Variants in GPATCH2 observed in about 807,000 individuals in gnomAD.
The protein encoded by GPATCH2 is G-patch domain containing 2.
A neutral mutation model predicts 58.0 loss-of-function variants in GPATCH2; 51 were observed. The ratio of observed to expected loss-of-function variants is 0.88; its 90% CI spans 0.70 to 1.11. The LOEUF (loss-of-function observed/expected upper bound fraction) is 1.11, where lower values mean the gene tolerates loss of function less well. Ranked by LOEUF, GPATCH2 falls within the 50% of genes most tolerant of loss-of-function variation. The probability of loss-of-function intolerance (pLI) is 0.00; values close to 1 mark genes in which losing one functional copy is unlikely to be tolerated. For missense variants in GPATCH2, 625 were observed against 652.2 expected (o/e 0.96, Z 0.45); for synonymous variants, 222 against 218.5 (o/e 1.02, Z -0.14).
intron 5 of GPATCH2, among the ~76,000 whole-genome samples, chr1:217,527,239 A>C (rs1663953265): frequency 1.3e-5 from 2 of 152,170 alleles, no homozygotes; most frequent in South Asian, 4.1e-4. Context: ...CTGTGGAAAA[A>C]TTGTCTTCCA....
chr1:217,463,457 A>C lies in GPATCH2; in HGVS notation c.1278-14120T>G, dbSNP rs944275499. Among the ~76,000 whole-genome samples, 4 of 152,180 alleles carry C rather than the reference A, an allele frequency of 2.6e-5. No individual in the cohort carries two copies. In the East Asian group the frequency reaches 7.7e-4, roughly 29 times the overall value. On this transcript the variant is annotated intron_variant, in intron 8 of 9. Transcript: ENST00000366935. Reference sequence around the variant, plus strand: ...AAAAATAAGAAAGGCTAGACCAGGAAGGCCTTGCTAGCCATGTTTAGGACT... The same window carrying C: ...AAAAATAAGAAAGGCTAGACCAGGACGGCCTTGCTAGCCATGTTTAGGACT...
intron 5 of GPATCH2, among the ~76,000 whole-genome samples, chr1:217,584,344 A>AAAAAAAAAAAATATATAT (rs1463910405): frequency 8.8e-5 from 9 of 101,874 alleles, no homozygotes; most frequent in Admixed American, 1.4e-4. Flanking sequence ...AAAAAAAAAA[A>AAAAAAAAAAAATATATAT]ATATATATAT....
intron 8 of GPATCH2, among the ~76,000 whole-genome samples, chr1:217,456,592 C>A (rs12073489): frequency 0.02 from 2,978 of 152,180 alleles, 96 homozygotes; most frequent in African/African-American, 0.069. Context: ...AAGGTGGGAG[C>A]CTTCAGAAGA....
chr1:217,554,593 C>T (rs1456468051), intron 5 of GPATCH2, among the ~76,000 whole-genome samples: 1 of 152,042 alleles, frequency 6.6e-6, no homozygotes, highest in Non-Finnish European at 1.5e-5. Context: ...ATATATATAC[C>T]CATTGATAAG....
At chr1:217,485,921 G>A (rs1355444596) in intron 8 of GPATCH2, among the ~76,000 whole-genome samples, 1 of 152,192 alleles carries the variant, frequency 6.6e-6, no homozygotes, top group African/African-American at 2.4e-5. Context: ...GTACCAGACT[G>A]TCTTAATTAA....
At chr1:217,466,949 G>C (rs1422389592) in intron 8 of GPATCH2, among the ~76,000 whole-genome samples, 1 of 152,212 alleles carries the variant, frequency 6.6e-6, no homozygotes, top group African/African-American at 2.4e-5. Flanking sequence ...GAGGCAGGCG[G>C]ATTGCCTGAG....
At chr1:217,523,024 TA>T (rs989977591) in intron 5 of GPATCH2, among the ~76,000 whole-genome samples, 4 of 151,796 alleles carry the variant, frequency 2.6e-5, no homozygotes, top group South Asian at 2.1e-4. Context: ...CCAAAGCAAT[TA>T]AAAAAATTTC....
intron 5 of GPATCH2, among the ~76,000 whole-genome samples, chr1:217,523,694 C>T (rs1663607227): frequency 6.6e-6 from 1 of 151,592 alleles, no homozygotes; most frequent in South Asian, 2.1e-4. Context: ...TTGGGTACAC[C>T]TCCCAGACGG....
intron 1 of GPATCH2, among the ~76,000 whole-genome samples, chr1:217,624,240 G>A (rs767335101): frequency 6.6e-6 from 1 of 152,092 alleles, no homozygotes; most frequent in African/African-American, 2.4e-5. Flanking sequence ...GGCATCGGCA[G>A]GGCACAGTGT....
chr1:217,482,599 A>G (rs913300651), intron 8 of GPATCH2, among the ~76,000 whole-genome samples: 1 of 152,140 alleles, frequency 6.6e-6, no homozygotes, highest in Admixed American at 6.5e-5. Context: ...TCAGGGAGGA[A>G]GCCACAAGGG....
At chr1:217,610,484 G>A in intron 4 of GPATCH2, 84 bp from the exon 5 acceptor site, 4 of 816,678 alleles carry the variant, frequency 4.9e-6, no homozygotes, top group Non-Finnish European at 8.1e-6. Flanking sequence ...AATAGAGAAA[G>A]AAAAGTAAGT....
intron 1 of GPATCH2, among the ~76,000 whole-genome samples, chr1:217,630,173 A>T (rs530422010): frequency 2.0e-5 from 3 of 152,316 alleles, no homozygotes; most frequent in Non-Finnish European, 2.9e-5. Flanking sequence ...TCAGGATTCT[A>T]GCTCTAGGAT....
chr1:217,619,220 C>G (rs936863234), intron 2 of GPATCH2, among the ~76,000 whole-genome samples: 1 of 150,910 alleles, frequency 6.6e-6, no homozygotes. Context: ...ATTAGATTTA[C>G]TACCACAGGA....
At chr1:217,517,394 C>G (rs770884808) in intron 5 of GPATCH2, among the ~76,000 whole-genome samples, 2 of 151,972 alleles carry the variant, frequency 1.3e-5, no homozygotes, top group Non-Finnish European at 2.9e-5. Context: ...AATGTTCTTA[C>G]AATGAGAACC....
intron 8 of GPATCH2, among the ~76,000 whole-genome samples, chr1:217,463,184 A>G (rs1011329079): frequency 6.6e-6 from 1 of 152,236 alleles, no homozygotes; most frequent in Non-Finnish European, 1.5e-5. Flanking sequence ...GAATAGATTT[A>G]TTAGTAGCTA....
intron 2 of GPATCH2, among the ~76,000 whole-genome samples, chr1:217,617,735 T>G (rs1174291645): frequency 6.6e-6 from 1 of 152,186 alleles, no homozygotes; most frequent in Non-Finnish European, 1.5e-5. Context: ...AAATAGTTTA[T>G]AAATAAGTTT....
intron 8 of GPATCH2, among the ~76,000 whole-genome samples, chr1:217,469,292 T>C (rs1413065375): frequency 6.6e-6 from 1 of 152,134 alleles, no homozygotes; most frequent in Admixed American, 6.6e-5. Flanking sequence ...TGTCCAAGAT[T>C]TGAATGCCAG....
chr1:217,620,033 T>C lies in GPATCH2; in HGVS notation c.523A>G (p.Ile175Val). ...KRMAVDLPQD[I>V]SNKRTMTQPP... is the part of the protein sequence containing the mutation. ...TGGGTCATTGTCCGTTTGTTAGAGA[T>C]GTCCTGTGGGAGATCTACTGCCATG... Residue 175 changes from isoleucine (I) to valine (V), a missense_variant, in exon 2 of 10, where the codon ATC becomes GTC. Physicochemically the swap from Ile to Val is conservative, Grantham distance 29. Coordinates refer to ENST00000366935, the MANE Select transcript of GPATCH2 (RefSeq NM_018040.5). 6.2e-7 allele frequency: 1 copy of C among 1,614,088 alleles called. No homozygotes were observed. The highest frequency in any genetic ancestry group is 2.2e-5 in the East Asian group (1 of 44,882).
chr1:217,622,705 G>A (rs1035775947), intron 1 of GPATCH2, among the ~76,000 whole-genome samples: 7 of 152,264 alleles, frequency 4.6e-5, no homozygotes, highest in East Asian at 3.9e-4. Flanking sequence ...CACCATGCCC[G>A]GCTAATTTTT....
Sources: allele counts gnomAD v4.1 joint callset (sites outside exome capture counted in the v4.1 genomes callset), GRCh38; gene constraint gnomAD v4.1.1; transcripts MANE v1.5; gene names NCBI Gene and HGNC (gene_info 2026-07-23, HGNC 2026-07-21).